The following EDIL3 variants were observed in gnomAD, a reference collection of about 807,000 sequenced individuals.
The protein encoded by EDIL3 is EGF-like repeat and discoidin I-like domain-containing protein 3.
Under a neutral mutation model 67.4 loss-of-function variants are expected in EDIL3, and 37 were observed. The observed-to-expected ratio is 0.55, with a 90% CI of 0.42 to 0.72. The LOEUF (loss-of-function observed/expected upper bound fraction) is 0.72. Among genes scored for constraint, EDIL3 ranks in the 30% least tolerant of loss-of-function variants. EDIL3 has a pLI of 0.00. For synonymous variants in EDIL3, 195 were observed against 196.3 expected (o/e 0.99, Z 0.05); for missense variants, 527 against 586.3 (o/e 0.90, Z 1.04).
At chr5:84,116,129 T>C (rs1747658032) in intron 5 of EDIL3, among the ~76,000 whole-genome samples, 1 of 151,304 alleles carries the variant, frequency 6.6e-6, no homozygotes, top group Admixed American at 6.6e-5. Flanking sequence ...ACAATGTAGT[T>C]ATCTTTTCTT....
chr5:83,974,163 G>A (rs1443720444), intron 9 of EDIL3, among the ~76,000 whole-genome samples: 1 of 151,550 alleles, frequency 6.6e-6, no homozygotes, highest in Non-Finnish European at 1.5e-5. Context: ...ATGTTTTATG[G>A]TGATTGCTTT....
chr5:83,988,842 T>G (rs1488400344), intron 9 of EDIL3, among the ~76,000 whole-genome samples: 1 of 152,100 alleles, frequency 6.6e-6, no homozygotes, highest in Non-Finnish European at 1.5e-5. Flanking sequence ...CAAATCTCAA[T>G]ACAAAAATGC....
At chr5:84,195,800 T>A (rs1743691193) in intron 3 of EDIL3, among the ~76,000 whole-genome samples, 1 of 151,964 alleles carries the variant, frequency 6.6e-6, no homozygotes, top group African/African-American at 2.4e-5. Context: ...TGATGTAATA[T>A]TTTTCTAGAT....
chr5:84,298,336 C>T (rs1746091358), intron 1 of EDIL3, among the ~76,000 whole-genome samples: 1 of 152,130 alleles, frequency 6.6e-6, no homozygotes, highest in African/African-American at 2.4e-5. Flanking sequence ...TGCAGAGCCA[C>T]TGATGAAGCT....
chr5:84,340,558 A>C (rs1484597371), intron 1 of EDIL3, among the ~76,000 whole-genome samples: 3 of 138,346 alleles, frequency 2.2e-5, no homozygotes, highest in South Asian at 2.2e-4. Flanking sequence ...ATATATATAT[A>C]TATATATATA....
chr5:84,015,766 T>C (rs1231547731), intron 9 of EDIL3, among the ~76,000 whole-genome samples: 1 of 152,158 alleles, frequency 6.6e-6, no homozygotes, highest in Non-Finnish European at 1.5e-5. Context: ...TCTCTGAAAA[T>C]AAACCATGCT....
intron 9 of EDIL3, among the ~76,000 whole-genome samples, chr5:83,975,882 C>T (rs1274411526): frequency 1.3e-5 from 2 of 151,904 alleles, no homozygotes; most frequent in South Asian, 2.1e-4. Context: ...TCATAAACAA[C>T]TCACCAGATA....
At chr5:84,316,643 TCC>T (rs996633646) in intron 1 of EDIL3, among the ~76,000 whole-genome samples, 1 of 152,010 alleles carries the variant, frequency 6.6e-6, no homozygotes, top group Non-Finnish European at 1.5e-5. Context: ...AGACTTAGAC[TCC>T]CACACAATAA....
At chr5:83,966,604 T>C (rs1359593129) in intron 9 of EDIL3, among the ~76,000 whole-genome samples, 2 of 152,064 alleles carry the variant, frequency 1.3e-5, no homozygotes, top group Non-Finnish European at 2.9e-5. Flanking sequence ...GGTACCAAGT[T>C]GGTTCAAGGA....
At chr5:84,120,320 A>G (rs1747753775) in intron 5 of EDIL3, among the ~76,000 whole-genome samples, 1 of 152,014 alleles carries the variant, frequency 6.6e-6, no homozygotes, top group Non-Finnish European at 1.5e-5. Context: ...GAGCTGAGTG[A>G]TTATTCTTAA....
At chr5:84,242,812 A>AT (rs57796925) in intron 2 of EDIL3, among the ~76,000 whole-genome samples, 1 of 110,846 alleles carries the variant, frequency 9.0e-6, no homozygotes, top group South Asian at 3.3e-4. Context: ...AAAAAAAAAA[A>AT]CTTCCAAAGA....
intron 10 of EDIL3, among the ~76,000 whole-genome samples, chr5:83,961,223 C>A (rs1400269430): frequency 2.7e-5 from 4 of 150,928 alleles, no homozygotes; most frequent in Non-Finnish European, 4.5e-5. Flanking sequence ...CAAAATACAT[C>A]AAGCAAACAC....
intron 1 of EDIL3, among the ~76,000 whole-genome samples, chr5:84,353,509 G>A (rs1747408485): frequency 6.6e-6 from 1 of 152,150 alleles, no homozygotes; most frequent in Admixed American, 6.5e-5. Context: ...GATATCTATG[G>A]TAAAAATAAG....
At chr5:84,290,849 C>G (rs1034587807) in intron 1 of EDIL3, among the ~76,000 whole-genome samples, 2 of 152,124 alleles carry the variant, frequency 1.3e-5, no homozygotes, top group Non-Finnish European at 2.9e-5. Context: ...AGTCTCAAAC[C>G]TAGCCAAAGA....
At chr5:84,200,808 G>A (rs1743815466) in intron 3 of EDIL3, among the ~76,000 whole-genome samples, 1 of 151,944 alleles carries the variant, frequency 6.6e-6, no homozygotes, top group African/African-American at 2.4e-5. Flanking sequence ...GAACGCATTG[G>A]CATAATGGGA....
At chr5:84,251,017 A>T (rs1745014272) in intron 2 of EDIL3, among the ~76,000 whole-genome samples, 1 of 152,176 alleles carries the variant, frequency 6.6e-6, no homozygotes, top group African/African-American at 2.4e-5. Context: ...TTGTTTTTTA[A>T]ATTCCAATAC....
At chr5:83,970,097 T>G (rs1744764838) in intron 9 of EDIL3, among the ~76,000 whole-genome samples, 1 of 151,680 alleles carries the variant, frequency 6.6e-6, no homozygotes, top group South Asian at 2.1e-4. Flanking sequence ...TTTACTTCTA[T>G]GAGATCAACT....
intron 1 of EDIL3, among the ~76,000 whole-genome samples, chr5:84,271,239 C>A (rs1186562574): frequency 6.6e-6 from 1 of 151,752 alleles, no homozygotes; most frequent in Admixed American, 6.6e-5. Flanking sequence ...ACGGGGAAAC[C>A]CCGTCTCCAC....
rs780947413 is a variant in EDIL3 at position 83,942,207 on chromosome 5, A to T, written c.*1212T>A. On this transcript the variant is annotated 3_prime_UTR_variant, in exon 11 of 11. Coordinates refer to ENST00000296591, the MANE Select transcript of EDIL3 (RefSeq NM_005711.5). ...TAACAAATTGTTATGATAATTGCTT[A>T]TTTTTTCAGGACCTTTGAAGCAAAA... 1.3e-5 allele frequency: 2 copies of T among 151,934 alleles called. No homozygotes were observed. Among genetic ancestry groups the T allele is most frequent in the African/African-American group, 4.8e-5 (2 of 41,410 alleles). 9.4% of individuals were successfully genotyped at this position (151,934 alleles called of 1,614,324 possible).
Sources: allele counts gnomAD v4.1 joint callset (sites outside exome capture counted in the v4.1 genomes callset), GRCh38; gene constraint gnomAD v4.1.1; transcripts MANE v1.5; gene names NCBI Gene and HGNC (gene_info 2026-07-23, HGNC 2026-07-21).